PTPRK: variants seen among roughly 807,000 people sequenced by gnomAD.
PTPRK encodes the protein receptor-type tyrosine-protein phosphatase kappa.
Under a neutral mutation model 178.0 loss-of-function variants are expected in PTPRK, and 75 were observed. The observed-to-expected ratio is 0.42, with a 90% confidence interval of 0.35 to 0.51. The LOEUF (loss-of-function observed/expected upper bound fraction) is 0.51. Ranked by LOEUF, PTPRK falls within the 20% of genes least tolerant of loss-of-function variation. The pLI is 0.02. For synonymous variants in PTPRK, 637 were observed against 620.6 expected (o/e 1.03, Z -0.39); for missense variants, 1,441 against 1,797.8 (o/e 0.80, Z 3.59).
chr6:128,192,861 G>A (rs1804070294), intron 6 of PTPRK, among the ~76,000 whole-genome samples: 3 of 138,358 alleles, frequency 2.2e-5, no homozygotes, highest in Non-Finnish European at 3.1e-5. Flanking sequence ...GGAGGGCATG[G>A]AGGAAGCGGG....
At chr6:128,321,987 T>TA in intron 3 of PTPRK, 52 bp downstream of exon 3, 1 of 1,608,046 alleles carries the variant, frequency 6.2e-7, no homozygotes, top group Non-Finnish European at 8.5e-7. Context: ...ATTACACATA[T>TA]AGTGAGAACT....
chr6:128,197,231 A>C (rs150376467), intron 6 of PTPRK, among the ~76,000 whole-genome samples: 4,194 of 146,834 alleles, frequency 0.029, 138 homozygotes, highest in African/African-American at 0.08. Context: ...TTCAGGATAC[A>C]TGTGCAGAAC....
At chr6:128,065,701 A>C (rs1241570314) in intron 12 of PTPRK, among the ~76,000 whole-genome samples, 1 of 152,196 alleles carries the variant, frequency 6.6e-6, no homozygotes, top group Admixed American at 6.6e-5. Flanking sequence ...TTAAATTAAA[A>C]TAAAGCAGTG....
At chr6:128,426,917 C>G (rs1844212650) in intron 1 of PTPRK, among the ~76,000 whole-genome samples, 1 of 152,108 alleles carries the variant, frequency 6.6e-6, no homozygotes, top group Non-Finnish European at 1.5e-5. Flanking sequence ...TCCTGGTACT[C>G]CTCAATTTCA....
chr6:128,092,768 T>C (rs1484984086), intron 7 of PTPRK, among the ~76,000 whole-genome samples: 2 of 152,174 alleles, frequency 1.3e-5, no homozygotes, highest in East Asian at 1.9e-4. Context: ...ATTCCAACAA[T>C]AAAGTTGCCT....
At chr6:128,023,428 T>G (rs1225957256) in intron 13 of PTPRK, among the ~76,000 whole-genome samples, 1 of 152,140 alleles carries the variant, frequency 6.6e-6, no homozygotes, top group East Asian at 1.9e-4. Flanking sequence ...CTCCTAACTT[T>G]CTCAACTCTC....
intron 2 of PTPRK, among the ~76,000 whole-genome samples, chr6:128,346,718 T>C (rs1832479451): frequency 6.6e-6 from 1 of 152,178 alleles, no homozygotes; most frequent in Middle Eastern, 3.4e-3. Flanking sequence ...CTTGAACAAA[T>C]TGTTTCCCCT....
At chr6:128,133,216 C>A (rs985747023) in intron 7 of PTPRK, among the ~76,000 whole-genome samples, 5 of 152,018 alleles carry the variant, frequency 3.3e-5, no homozygotes, top group Admixed American at 6.6e-5. Flanking sequence ...TTAGTTTAGA[C>A]AAGATGAATA....
intron 1 of PTPRK, among the ~76,000 whole-genome samples, chr6:128,466,665 G>A (rs1849882642): frequency 6.6e-6 from 1 of 151,988 alleles, no homozygotes; most frequent in Non-Finnish European, 1.5e-5. Context: ...GATTTTATGA[G>A]TACTCATTTT....
chr6:128,002,685 C>T (rs1241976053), intron 15 of PTPRK, among the ~76,000 whole-genome samples: 2 of 152,000 alleles, frequency 1.3e-5, no homozygotes, highest in Non-Finnish European at 2.9e-5. Context: ...GAATGTCAAA[C>T]CCCACATCAA....
chr6:128,118,456 A>C (rs1204652989), intron 7 of PTPRK, among the ~76,000 whole-genome samples: 1 of 152,198 alleles, frequency 6.6e-6, no homozygotes, highest in Non-Finnish European at 1.5e-5. Context: ...TTACATTAAC[A>C]ATAAAACTAA....
chr6:128,399,613 A>G (rs1197390087), intron 1 of PTPRK, among the ~76,000 whole-genome samples: 1 of 150,950 alleles, frequency 6.6e-6, no homozygotes, highest in Non-Finnish European at 1.5e-5. Flanking sequence ...AAACTCTAAA[A>G]TAATTTACTG....
intron 13 of PTPRK, among the ~76,000 whole-genome samples, chr6:128,038,928 G>T (rs1457087095): frequency 6.6e-6 from 1 of 152,080 alleles, no homozygotes; most frequent in Non-Finnish European, 1.5e-5. Flanking sequence ...AACCATATCT[G>T]CCCATCACAT....
At chr6:128,245,729 A>G (rs1434078760) in intron 3 of PTPRK, among the ~76,000 whole-genome samples, 1 of 152,186 alleles carries the variant, frequency 6.6e-6, no homozygotes, top group Non-Finnish European at 1.5e-5. Flanking sequence ...ACATAAATGT[A>G]TTTGGTGGGA....
intron 2 of PTPRK, among the ~76,000 whole-genome samples, chr6:128,354,236 T>TG (rs1275772619): frequency 4.9e-5 from 4 of 82,378 alleles, no homozygotes; most frequent in Non-Finnish European, 7.3e-5. Flanking sequence ...TTTATGTTTT[T>TG]TTTTTTTTTT....
chr6:128,000,565 G>A (rs749344736), intron 15 of PTPRK, among the ~76,000 whole-genome samples: 1 of 151,856 alleles, frequency 6.6e-6, no homozygotes, highest in Non-Finnish European at 1.5e-5. Flanking sequence ...CAAAAACATT[G>A]GCTAACAAAC....
intron 2 of PTPRK, among the ~76,000 whole-genome samples, chr6:128,345,934 G>T (rs1301487255): frequency 3.3e-5 from 5 of 152,156 alleles, no homozygotes; most frequent in Non-Finnish European, 5.9e-5. Flanking sequence ...ACAAAGGAAA[G>T]TGGTAGGTGT....
chr6:128,462,488 C>T (rs767024131), intron 1 of PTPRK, among the ~76,000 whole-genome samples: 1 of 151,866 alleles, frequency 6.6e-6, no homozygotes, highest in Non-Finnish European at 1.5e-5. Flanking sequence ...TTCAGACTAC[C>T]CACATTTTAA....
At chr6:128,399,373 T>G (rs985473113) in intron 1 of PTPRK, among the ~76,000 whole-genome samples, 1 of 152,164 alleles carries the variant, frequency 6.6e-6, no homozygotes, top group African/African-American at 2.4e-5. Context: ...ATATGTTGAG[T>G]GTATTCTTGA....
Sources: gnomAD v4.1 joint callset for allele counts (sites outside exome capture counted in the v4.1 genomes callset) on GRCh38, gnomAD v4.1.1 for gene constraint, MANE v1.5 for transcripts, NCBI Gene and HGNC (gene_info 2026-07-23, HGNC 2026-07-21) for gene names.